Variants in ENDOD1 observed in about 807,000 individuals in gnomAD.
The protein encoded by ENDOD1 is endonuclease domain containing 1.
A neutral mutation model predicts 6.5 loss-of-function variants in ENDOD1; 9 were observed. The ratio of observed to expected loss-of-function variants is 1.39; its 90% CI spans 0.84 to 2.43. ENDOD1 has a LOEUF of 2.43. ENDOD1 is among the 30% of genes most tolerant of loss of function. ENDOD1 has a pLI of 0.00. For missense variants in ENDOD1, 648 were observed against 635.5 expected, an observed-to-expected ratio of 1.02 and a Z score of -0.21; for synonymous variants, 255 against 255.2, an observed-to-expected ratio of 1.00 and a Z score of 0.01.
At chr11:95,104,556 T>C (rs1555111263) in intron 1 of ENDOD1, among the ~76,000 whole-genome samples, 6 of 152,038 alleles carry the variant, frequency 3.9e-5, no homozygotes. Flanking sequence ...AAGATTCATA[T>C]CCCTATTCCC....
chr11:95,094,355 A>T (rs1381683849), intron 1 of ENDOD1, among the ~76,000 whole-genome samples: 2 of 152,020 alleles, frequency 1.3e-5, no homozygotes, highest in Non-Finnish European at 2.9e-5. Context: ...AGATTCTTTG[A>T]TCTCACAATG....
chr11:95,113,432 G>C (rs542682672), intron 1 of ENDOD1, among the ~76,000 whole-genome samples: 1 of 151,990 alleles, frequency 6.6e-6, no homozygotes, highest in South Asian at 2.1e-4. Context: ...TCATTCTTCT[G>C]CTCTCTAACT....
At position 95,095,238 on chromosome 11, in the gene ENDOD1, T is replaced by G. The variant is rs142244894; in HGVS notation, c.300+5011T>G. On this transcript the variant is annotated intron_variant, in intron 1 of 1. Transcript: ENST00000278505. ...GAGATGAAATGTGTGGAAGATTGAA[T>G]GAATGGATGGAGGGTGGATTTGAGT... Among the ~76,000 whole-genome samples, 793 of 152,358 alleles carry G rather than the reference T, an allele frequency of 5.2e-3. 7 individuals are homozygous for G. Among genetic ancestry groups the G allele is most frequent in the African/African-American group, 0.018 (729 of 41,578 alleles).
chr11:95,126,336 T>A (rs1314741278), intron 1 of ENDOD1, among the ~76,000 whole-genome samples: 1 of 152,214 alleles, frequency 6.6e-6, no homozygotes, highest in Non-Finnish European at 1.5e-5. Context: ...ATTTTATATG[T>A]TTAGTGAGTA....
chr11:95,122,558 A>G, intron 1 of ENDOD1, among the ~76,000 whole-genome samples: 1 of 149,928 alleles, frequency 6.7e-6, no homozygotes, highest in East Asian at 2.0e-4. Context: ...TTTTTAATAC[A>G]GTTTCCTATA....
chr11:95,092,262 G>A (rs1222238466), intron 1 of ENDOD1, among the ~76,000 whole-genome samples: 1 of 152,094 alleles, frequency 6.6e-6, no homozygotes, highest in East Asian at 1.9e-4. Flanking sequence ...ATAGATGAAT[G>A]CACTCAATTG....
rs150749256 is a variant in ENDOD1, at chr11:95,113,471, A to G, written c.301-14906A>G. Among the ~76,000 whole-genome samples, 28 of 152,230 alleles carry G rather than the reference A, an allele frequency of 1.8e-4. No individual in the cohort carries two copies. The East Asian group carries it at 4.2e-3, about 23-fold the overall frequency. ...TGAGTTCAATTATTTTGATTTTTAG[A>G]TCCCACAAATAAGTGAGAAAATGCA... On this transcript the variant is annotated intron_variant, in intron 1 of 1. Transcript: ENST00000278505.
In ENDOD1 at chr11:95,091,669, A is replaced by G. The variant is rs1858932925; in HGVS notation, c.300+1442A>G. Among the ~76,000 whole-genome samples, 6 of 152,318 alleles carry G rather than the reference A, an allele frequency of 3.9e-5. 1 individual carries two copies. In the South Asian group the frequency reaches 1.2e-3, roughly 32 times the overall value. Reference sequence around the variant, plus strand: ...ACATACGTCTGAGGAAATCATGGGAATGGATGCTAAACAAATTTCAGTTAA... The same window carrying G: ...ACATACGTCTGAGGAAATCATGGGAGTGGATGCTAAACAAATTTCAGTTAA... On this transcript the variant is annotated intron_variant, in intron 1 of 1. Coordinates refer to ENST00000278505, the MANE Select transcript of ENDOD1 (RefSeq NM_015036.3).
intron 1 of ENDOD1, among the ~76,000 whole-genome samples, chr11:95,102,964 C>A (rs958764067): frequency 1.3e-5 from 2 of 152,192 alleles, no homozygotes; most frequent in African/African-American, 4.8e-5. Context: ...GTCTCTCAGA[C>A]TCCAATTCCA....
intron 1 of ENDOD1, among the ~76,000 whole-genome samples, chr11:95,095,191 C>T (rs1555110189): frequency 3.9e-5 from 6 of 152,208 alleles, no homozygotes. Flanking sequence ...CATACAGTAG[C>T]TGCTTCATAA....
intron 1 of ENDOD1, among the ~76,000 whole-genome samples, chr11:95,126,737 G>T (rs1394579753): frequency 1.3e-5 from 2 of 152,194 alleles, no homozygotes; most frequent in Non-Finnish European, 2.9e-5. Flanking sequence ...TCGGAGTGCA[G>T]TTGCACAGTC....
In ENDOD1 at chr11:95,090,178, C is replaced by T. The variant is rs934114343; in HGVS notation, c.251C>T (p.Pro84Leu). ...RIPVYSAFRAPRPAPGGAEQR... is the reference protein window; with the variant it reads ...RIPVYSAFRALRPAPGGAEQR... The stretch of plus-strand genomic sequence containing the variant: ...CCCGTGTACTCCGCGTTCCGCGCCC[C>T]GCGCCCTGCGCCCGGCGGCGCCGAG... Residue 84 changes from proline to leucine, a missense_variant, in exon 1 of 2, where the codon CCG (proline) becomes CTG (leucine). Transcript: ENST00000278505. The T allele has an allele frequency of 2.1e-6, 3 of 1,427,100 alleles. No homozygotes were observed. The highest frequency in any genetic ancestry group is 2.4e-5 in the Admixed American group (1 of 40,826). 88.4% of individuals were successfully genotyped at this position (1,427,100 alleles called of 1,614,324 possible). A position where few individuals can be genotyped will look rare whatever the true frequency, so the allele number is the denominator to read the frequency against.
intron 1 of ENDOD1, among the ~76,000 whole-genome samples, chr11:95,114,260 G>GCAA (rs1555112245): frequency 2.0e-5 from 3 of 152,034 alleles, no homozygotes; most frequent in African/African-American, 7.3e-5. Flanking sequence ...GGGACTACAA[G>GCAA]TGCACACCAC....
chr11:95,100,827 A>G (rs1375195091), intron 1 of ENDOD1, among the ~76,000 whole-genome samples: 4 of 95,810 alleles, frequency 4.2e-5, no homozygotes, highest in Admixed American at 1.1e-4. Context: ...TAAAATGTCC[A>G]TGTTCTCTCC....
chr11:95,114,753 C>T (rs11021046), intron 1 of ENDOD1, among the ~76,000 whole-genome samples: 4,945 of 152,262 alleles, frequency 0.032, 269 homozygotes, highest in African/African-American at 0.11. Flanking sequence ...AAAAGACTGT[C>T]TTTTCCCCAG....
At position 95,103,096 on chromosome 11, in the gene ENDOD1, AGT is replaced by A. The variant is rs781831308; in HGVS notation, c.300+12871_300+12872del. 2.0e-3 allele frequency among the ~76,000 whole-genome samples: 115 copies of A among 56,520 alleles called. 1 individual carries two copies. The highest frequency in any genetic ancestry group is 4.1e-3 in the Non-Finnish European group (98 of 23,856). The allele number at this position is 56,520 out of a possible 152,430, so 37.1% of individuals were successfully genotyped here. A position where few individuals can be genotyped will look rare whatever the true frequency, so the allele number is the denominator to read the frequency against. On this transcript the variant is annotated intron_variant, in intron 1 of 1. Transcript: ENST00000278505. ...AAGAGGAAGCTAAGGAACTAGGCAG[AGT>A]GGGTGTGTGTGTGTGTGTGTGTGTG...
chr11:95,114,381 C>A (rs540287542), intron 1 of ENDOD1, among the ~76,000 whole-genome samples: 1 of 152,264 alleles, frequency 6.6e-6, no homozygotes, highest in East Asian at 1.9e-4. Context: ...GTTTGAACTT[C>A]TTATATATGC....
At chr11:95,107,036 G>C (rs1057035375) in intron 1 of ENDOD1, among the ~76,000 whole-genome samples, 48 of 152,142 alleles carry the variant, frequency 3.2e-4, no homozygotes, top group African/African-American at 1.1e-3. Flanking sequence ...TGCAGTGGCT[G>C]TCAAGGTAGG....
chr11:95,089,865 G>T lies in ENDOD1; in HGVS notation c.-63G>T, dbSNP rs1434062953. On this transcript the variant is annotated 5_prime_UTR_variant, in exon 1 of 2. Transcript: ENST00000278505. ...GGCTGCGTAGTGCGCTCCCCGCCCA[G>T]CCTGCAGAGCTCGCGCCGCGGCAGC... The T allele has an allele frequency of 1.4e-5, 18 of 1,276,280 alleles. No homozygotes were observed. Among genetic ancestry groups the T allele is most frequent in the South Asian group, 2.9e-5 (1 of 34,392 alleles). 79.1% of individuals were successfully genotyped at this position (1,276,280 alleles called of 1,614,324 possible). A position where few individuals can be genotyped will look rare whatever the true frequency, so the allele number is the denominator to read the frequency against.
Sources: gnomAD v4.1 joint callset for allele counts (sites outside exome capture counted in the v4.1 genomes callset) on GRCh38, gnomAD v4.1.1 for gene constraint, MANE v1.5 for transcripts, NCBI Gene and HGNC (gene_info 2026-07-23, HGNC 2026-07-21) for gene names.